The following UBR3 variants were observed in gnomAD, a reference collection of about 807,000 sequenced individuals.
UBR3 encodes the protein ubiquitin protein ligase E3 component n-recognin 3.
In UBR3, 85 loss-of-function variants were observed where a neutral mutation model predicts 243.2. That is an observed-to-expected ratio of 0.35 (90% confidence interval 0.29 to 0.42). The LOEUF is 0.42. Ranked by LOEUF, UBR3 falls within the 10% of genes least tolerant of loss-of-function variation. The pLI is 1.00. For missense variants in UBR3, 1,686 were observed against 2,300.8 expected (o/e 0.73, Z 5.47); for synonymous variants, 748 against 799.8 (o/e 0.94, Z 1.09).
At chr2:169,950,234 T>C (rs2086960980) in intron 23 of UBR3, among the ~76,000 whole-genome samples, 169 bp downstream of exon 23, 3 of 152,038 alleles carry the variant, frequency 2.0e-5, no homozygotes, top group Non-Finnish European at 2.9e-5. Context: ...ACATGTGATG[T>C]ATTGAGTTTA....
At chr2:169,863,654 G>A (rs2083161159) in intron 1 of UBR3, among the ~76,000 whole-genome samples, 1 of 152,180 alleles carries the variant, frequency 6.6e-6, no homozygotes, top group South Asian at 2.1e-4. Context: ...CTTGGGGAGA[G>A]ATTGTTAATA....
chr2:169,990,954 A>G (rs1183097738), intron 25 of UBR3, among the ~76,000 whole-genome samples: 1 of 152,174 alleles, frequency 6.6e-6, no homozygotes, highest in Non-Finnish European at 1.5e-5. Flanking sequence ...AATTTTTAAA[A>G]ATGTGATGCT....
At chr2:170,079,251 TA>T (rs1307746970) in intron 36 of UBR3, among the ~76,000 whole-genome samples, 1 of 152,214 alleles carries the variant, frequency 6.6e-6, no homozygotes, top group Non-Finnish European at 1.5e-5. Context: ...GCAAGACATT[TA>T]TGAAAAGAAT....
Position 170,083,047 on chromosome 2 carries a change from A to C in UBR3, c.*1204A>C, listed in dbSNP as rs984144430. 1.3e-5 allele frequency: 2 copies of C among 152,614 alleles called. No homozygotes were observed. The highest frequency in any genetic ancestry group is 4.8e-5 in the African/African-American group (2 of 41,458). 9.5% of individuals were successfully genotyped at this position (152,614 alleles called of 1,614,324 possible). A position where few individuals can be genotyped will look rare whatever the true frequency, so the allele number is the denominator to read the frequency against. ...ATTGCTACAAAGATTTTTTTTCCTA[A>C]ATGATTCAGTAATTGAATGATTATT... On this transcript the variant is annotated 3_prime_UTR_variant, in exon 39 of 39. Coordinates refer to ENST00000272793, the MANE Select transcript of UBR3 (RefSeq NM_172070.4).
chr2:169,973,230 G>C, intron 24 of UBR3, among the ~76,000 whole-genome samples: 1 of 128,876 alleles, frequency 7.8e-6, no homozygotes. Context: ...ACTTCTTCAA[G>C]GAGAACTACA....
intron 35 of UBR3, among the ~76,000 whole-genome samples, chr2:170,063,371 C>T (rs1164073551): frequency 6.6e-6 from 1 of 152,052 alleles, no homozygotes; most frequent in African/African-American, 2.4e-5. Flanking sequence ...ACCCTTTAGG[C>T]GGACCTGTTC....
rs114234310 is a variant in UBR3, at chr2:169,838,877, G to A, written c.545+10825G>A. Among the ~76,000 whole-genome samples the A allele has an allele frequency of 8.6e-3, 1,303 of 152,242 alleles. 22 individuals carry two copies. Among genetic ancestry groups the A allele is most frequent in the African/African-American group, 0.03 (1,252 of 41,514 alleles). ...GCTGTGAACCTGTGAAGTCAAACAA[G>A]TTACCTGCTTTCAAAACACAGTGTC... On this transcript the variant is annotated intron_variant, in intron 1 of 38. Transcript: ENST00000272793.
intron 3 of UBR3, among the ~76,000 whole-genome samples, chr2:169,876,381 G>A (rs541169983): frequency 6.6e-6 from 1 of 152,082 alleles, no homozygotes; most frequent in Non-Finnish European, 1.5e-5. Context: ...CGCCTGGCAA[G>A]AGAACTTCTT....
intron 24 of UBR3, among the ~76,000 whole-genome samples, chr2:169,960,325 G>C (rs1219543735): frequency 6.6e-6 from 1 of 150,888 alleles, no homozygotes; most frequent in Non-Finnish European, 1.5e-5. Flanking sequence ...TTTGTGTTTA[G>C]ACTTGGGTTC....
In UBR3 at chr2:169,928,675, C is replaced by T. The variant is rs369560023; in HGVS notation, c.2425-52C>T. The T allele has an allele frequency of 9.5e-6, 13 of 1,374,638 alleles. No homozygotes were observed. The East Asian group carries it at 2.3e-4, about 24-fold the overall frequency. The allele number at this position is 1,374,638 out of a possible 1,614,324, so 85.2% of individuals were successfully genotyped here. On this transcript the variant is annotated intron_variant, in intron 17 of 38. Coordinates refer to ENST00000272793, the MANE Select transcript of UBR3 (RefSeq NM_172070.4). ...GAGAAACTAGAGTACCTTGGAAAGG[C>T]TATAAATCTGGCTTTTTGTTACTAA... is the stretch of plus-strand genomic sequence containing the variant.
intron 35 of UBR3, among the ~76,000 whole-genome samples, chr2:170,070,875 AAAG>A (rs2091682906): frequency 6.6e-6 from 1 of 152,180 alleles, no homozygotes; most frequent in South Asian, 2.1e-4. Context: ...TAGCTGTGTG[AAAG>A]AAGACTTGTA....
chr2:169,950,049 T>C lies in UBR3; in HGVS notation c.3529T>C (p.Leu1177=), dbSNP rs2086951346. 2 of 1,558,272 alleles carry C rather than the reference T, an allele frequency of 1.3e-6. No homozygotes were observed. The highest frequency in any genetic ancestry group is 1.4e-5 in the African/African-American group (1 of 72,140). The change falls in exon 23 of 39, where the codon TTG becomes CTG. Residue 1177 remains leucine, a synonymous_variant. Coordinates refer to ENST00000272793, the MANE Select transcript of UBR3 (RefSeq NM_172070.4). ...KKVTAAEKKT[L]DKEERRQKAR... ...AGTCACTGCAGCAGAGAAGAAAACA[T>C]TGGACAAAGAAGAAAGGTAATTTTT... is the stretch of plus-strand genomic sequence containing the variant.
intron 32 of UBR3, among the ~76,000 whole-genome samples, chr2:170,043,227 T>TA (rs1440253357): frequency 6.6e-6 from 1 of 152,148 alleles, no homozygotes; most frequent in Non-Finnish European, 1.5e-5. Flanking sequence ...ATTTAATCTA[T>TA]ATTAATCAAT....
intron 33 of UBR3, among the ~76,000 whole-genome samples, chr2:170,056,067 G>A (rs1352284317): frequency 7.6e-6 from 1 of 132,264 alleles, no homozygotes; most frequent in Admixed American, 8.8e-5. Context: ...GAGTGCAGTG[G>A]TACAATCTCA....
chr2:170,080,449 A>C, intron 37 of UBR3, 96 bp from the exon 38 acceptor site: 1 of 1,197,776 alleles, frequency 8.3e-7, no homozygotes, highest in South Asian at 1.9e-5. Flanking sequence ...ACTATTTTTA[A>C]ATCACTGTAT....
At chr2:170,019,016 A>G (rs991458959) in intron 30 of UBR3, among the ~76,000 whole-genome samples, 9 of 152,190 alleles carry the variant, frequency 5.9e-5, no homozygotes, top group Non-Finnish European at 1.3e-4. Flanking sequence ...AGCATAATAT[A>G]AAAAATTATT....
Position 169,948,168 on chromosome 2 carries a change from A to G in UBR3, c.3084+453A>G, listed in dbSNP as rs1020486897. On this transcript the variant is annotated intron_variant, in intron 22 of 38. Coordinates refer to ENST00000272793, the MANE Select transcript of UBR3 (RefSeq NM_172070.4). Reference sequence around the variant, plus strand: ...AAAATAATACTGAGTATAATAGTGTATTTTTCTTATTAGTGTTCGAAGTAT... The same window carrying G: ...AAAATAATACTGAGTATAATAGTGTGTTTTTCTTATTAGTGTTCGAAGTAT... Among the ~76,000 whole-genome samples the G allele has an allele frequency of 2.6e-5, 4 of 151,568 alleles. No individual in the cohort carries two copies. The East Asian group carries it at 5.8e-4, about 22-fold the overall frequency.
intron 24 of UBR3, among the ~76,000 whole-genome samples, chr2:169,969,937 CTTTTTTTTT>C (rs34413545): frequency 5.7e-4 from 51 of 89,776 alleles, no homozygotes; most frequent in Non-Finnish European, 8.8e-4. Flanking sequence ...ATGCCTCCAG[CTTTTTTTTT>C]TTTTTTTTTT....
chr2:169,836,460 G>A (rs1231682126), intron 1 of UBR3, among the ~76,000 whole-genome samples: 1 of 151,672 alleles, frequency 6.6e-6, no homozygotes, highest in Non-Finnish European at 1.5e-5. Context: ...CACCACGAAG[G>A]GAACAACACA....
Sources: allele counts gnomAD v4.1 joint callset (sites outside exome capture counted in the v4.1 genomes callset), GRCh38; gene constraint gnomAD v4.1.1; transcripts MANE v1.5; gene names NCBI Gene and HGNC (gene_info 2026-07-23, HGNC 2026-07-21).